CDK17: variants seen among roughly 807,000 people sequenced by gnomAD.
The protein encoded by CDK17 is cyclin-dependent kinase 17.
A neutral mutation model predicts 77.6 loss-of-function variants in CDK17; 24 were observed. That is an observed-to-expected ratio of 0.31 (90% CI 0.22 to 0.44). The LOEUF (loss-of-function observed/expected upper bound fraction) is 0.44. CDK17 is among the 20% of genes least tolerant of loss of function. CDK17 has a pLI of 1.00. For missense variants in CDK17, 429 were observed against 622.5 expected (o/e 0.69, Z 3.31); for synonymous variants, 203 against 210.4 (o/e 0.96, Z 0.30).
At chr12:96,363,909 T>G (rs10860023) in intron 1 of CDK17, among the ~76,000 whole-genome samples, 72,854 of 152,028 alleles carry the variant, frequency 0.48, 18,289 homozygotes, top group African/African-American at 0.63. Context: ...ATGCTAGAGG[T>G]TCACAGTGCG....
At chr12:96,281,524 A>G (rs1156511539) in intron 15 of CDK17, among the ~76,000 whole-genome samples, 1 of 152,110 alleles carries the variant, frequency 6.6e-6, no homozygotes, top group East Asian at 1.9e-4. Flanking sequence ...ACGCGCCACC[A>G]CGCCCAGCTA....
At chr12:96,280,786 A>G (rs1952167585) in intron 16 of CDK17, 22 bp downstream of exon 16, 1 of 1,610,310 alleles carries the variant, frequency 6.2e-7, no homozygotes, top group Non-Finnish European at 8.5e-7. Flanking sequence ...TCGACACGTG[A>G]AATGGTTTAT....
chr12:96,337,782 ACTTTACAC>A (rs1953065527), intron 1 of CDK17, among the ~76,000 whole-genome samples: 1 of 152,144 alleles, frequency 6.6e-6, no homozygotes, highest in South Asian at 2.1e-4. Context: ...ACTTTACACT[ACTTTACAC>A]TAGAGACATC....
rs1330119109 is a variant in CDK17, at chr12:96,316,630, T to C, written c.284-3176A>G. On this transcript the variant is annotated intron_variant, in intron 3 of 16. Coordinates refer to ENST00000261211, the MANE Select transcript of CDK17 (RefSeq NM_002595.5). The stretch of plus-strand genomic sequence containing the variant: ...ATCTGAGAACGGGCAGACTGCCTCC[T>C]CAAGTGGGTCCCTGACCCCCTGACC... Among the ~76,000 whole-genome samples the C allele has an allele frequency of 1.5e-5, 2 of 132,778 alleles. 1 individual carries two copies. The highest frequency in any genetic ancestry group is 3.3e-5 in the Non-Finnish European group (2 of 61,482). 87.1% of individuals were successfully genotyped at this position (132,778 alleles called of 152,430 possible).
chr12:96,317,240 T>A (rs1952743974), intron 3 of CDK17, among the ~76,000 whole-genome samples: 1 of 147,872 alleles, frequency 6.8e-6, no homozygotes, highest in African/African-American at 2.5e-5. Context: ...AGAAGGGAAG[T>A]TTAGAGAAAA....
At position 96,280,162 on chromosome 12, in the gene CDK17, A is replaced by G; in HGVS notation, c.*80T>C. The G allele has an allele frequency of 2.8e-6, 4 of 1,427,988 alleles. No individual in the cohort carries two copies. Among genetic ancestry groups the G allele is most frequent in the East Asian group, 2.5e-5 (1 of 39,462 alleles). 88.5% of individuals were successfully genotyped at this position (1,427,988 alleles called of 1,614,324 possible). ...ACAAACGGAGATTCCAAGTCCACCA[A>G]AAGAAATAATTGCCTTCAGTTCTGA... On this transcript the variant is annotated 3_prime_UTR_variant, in exon 17 of 17. Transcript: ENST00000261211.
intron 1 of CDK17, among the ~76,000 whole-genome samples, chr12:96,384,310 TAA>T (rs1315368726): frequency 1.3e-5 from 2 of 152,212 alleles, no homozygotes; most frequent in African/African-American, 4.8e-5. Context: ...GGTAGGAATA[TAA>T]GTTAAGTTAG....
At chr12:96,302,864 TAAAC>T (rs1170131661) in intron 5 of CDK17, among the ~76,000 whole-genome samples, 1 of 152,068 alleles carries the variant, frequency 6.6e-6, no homozygotes, top group African/African-American at 2.4e-5. Flanking sequence ...GTCTATAAAA[TAAAC>T]AACACTACTG....
intron 10 of CDK17, among the ~76,000 whole-genome samples, chr12:96,290,042 A>C (rs575050116): frequency 4.6e-5 from 7 of 152,350 alleles, no homozygotes; most frequent in Non-Finnish European, 8.8e-5. Context: ...AAAAATCGCA[A>C]AAAAATCTCA....
At chr12:96,304,180 G>A (rs971760123) in intron 5 of CDK17, among the ~76,000 whole-genome samples, 1 of 152,148 alleles carries the variant, frequency 6.6e-6, no homozygotes, top group Non-Finnish European at 1.5e-5. Flanking sequence ...CACAGATAAA[G>A]GGGGAAGCTT....
intron 1 of CDK17, among the ~76,000 whole-genome samples, chr12:96,353,372 T>A (rs1282659817): frequency 2.6e-5 from 4 of 152,226 alleles, no homozygotes; most frequent in African/African-American, 9.6e-5. Flanking sequence ...AGAAATGTCT[T>A]ATGCTTTGGG....
intron 1 of CDK17, among the ~76,000 whole-genome samples, chr12:96,350,673 A>G (rs180803637): frequency 9.2e-5 from 14 of 152,278 alleles, no homozygotes; most frequent in Admixed American, 4.6e-4. Flanking sequence ...TTTTCATGCA[A>G]AAGAGTGAAA....
At chr12:96,325,871 T>C (rs953330456) in intron 2 of CDK17, among the ~76,000 whole-genome samples, 1 of 152,070 alleles carries the variant, frequency 6.6e-6, no homozygotes, top group Non-Finnish European at 1.5e-5. Flanking sequence ...CAATAAGATT[T>C]TTCTCAGCCA....
chr12:96,359,456 T>A (rs1000830624), intron 1 of CDK17, among the ~76,000 whole-genome samples: 5 of 152,204 alleles, frequency 3.3e-5, no homozygotes, highest in African/African-American at 4.8e-5. Context: ...GCTGCTACTA[T>A]GGCAAGAGGA....
chr12:96,283,956 G>T (rs1592702958), intron 13 of CDK17, among the ~76,000 whole-genome samples: 1 of 152,168 alleles, frequency 6.6e-6, no homozygotes, highest in Non-Finnish European at 1.5e-5. Flanking sequence ...CTTACATATT[G>T]TATCACTTTT....
At chr12:96,325,588 A>G (rs548055745) in intron 2 of CDK17, among the ~76,000 whole-genome samples, 1 of 152,352 alleles carries the variant, frequency 6.6e-6, no homozygotes, top group South Asian at 2.1e-4. Context: ...AGGATGGGGC[A>G]TAAGGGCCCA....
intron 2 of CDK17, among the ~76,000 whole-genome samples, chr12:96,332,657 C>T (rs962744982): frequency 7.9e-5 from 12 of 152,134 alleles, no homozygotes; most frequent in African/African-American, 2.9e-4. Flanking sequence ...TTATGGTAGC[C>T]TATGCTACTA....
Position 96,282,491 on chromosome 12 carries a change from C to G in CDK17, c.1456+18G>C. On this transcript the variant is annotated intron_variant, in intron 15 of 16. Transcript: ENST00000261211. The stretch of plus-strand genomic sequence containing the variant: ...AAATAAAAATAAAGCAGGGAAAACA[C>G]TTTAGGATTTCTCTTACTTTCTGGT... 1.3e-6 allele frequency: 2 copies of G among 1,535,058 alleles called. No homozygotes were observed. The highest frequency in any genetic ancestry group is 1.8e-6 in the Non-Finnish European group (2 of 1,108,182).
At chr12:96,327,189 T>TG (rs1219692933) in intron 2 of CDK17, among the ~76,000 whole-genome samples, 1 of 152,042 alleles carries the variant, frequency 6.6e-6, no homozygotes, top group Non-Finnish European at 1.5e-5. Flanking sequence ...GAACCAATGG[T>TG]GGGGGGATTG....
Sources: gnomAD v4.1 joint callset for allele counts (sites outside exome capture counted in the v4.1 genomes callset) on GRCh38, gnomAD v4.1.1 for gene constraint, MANE v1.5 for transcripts, NCBI Gene and HGNC (gene_info 2026-07-23, HGNC 2026-07-21) for gene names.